Variants in ZDHHC15 observed in about 807,000 individuals in gnomAD.
ZDHHC15 encodes zDHHC palmitoyltransferase 15.
Under a neutral mutation model 31.7 loss-of-function variants are expected in ZDHHC15, and 19 were observed. That is an observed-to-expected ratio of 0.60 (90% CI 0.42 to 0.88). ZDHHC15 has a LOEUF of 0.88. Ranked by LOEUF, ZDHHC15 falls within the 40% of genes least tolerant of loss-of-function variation. ZDHHC15 has a pLI of 0.00. For missense variants in ZDHHC15, 209 were observed against 251.2 expected, an observed-to-expected ratio of 0.83 and a Z score of 1.14; for synonymous variants, 103 against 90.0, an observed-to-expected ratio of 1.14 and a Z score of -0.82.
chrX:75,493,447 C>T (rs1432879382), intron 2 of ZDHHC15, among the ~76,000 whole-genome samples: 1 of 111,735 alleles, frequency 8.9e-6, no homozygotes, highest in Non-Finnish European at 1.9e-5. Flanking sequence ...CCAGCATCAT[C>T]CTGATACCAA....
At position 75,429,132 on chromosome X, in the gene ZDHHC15, G is replaced by C. The variant is rs772382603; in HGVS notation, c.549C>G (p.Leu183=). ...FFLQFLAYSV[L]YCLYIATTVF... ...CTGTCGTAGCAATGTACAGGCAGTA[G>C]AGAACAGAGTAAGCTAAGAATTGAA... Residue 183 remains leucine (L), a synonymous_variant, in exon 7 of 12, where the codon CTC becomes CTG. Transcript: ENST00000373367. The C allele has an allele frequency of 8.3e-7, 1 of 1,208,213 alleles. No individual in the cohort carries two copies. The highest frequency in any genetic ancestry group is 1.1e-6 in the Non-Finnish European group (1 of 893,601).
chrX:75,496,082 A>G (rs1338748463), intron 2 of ZDHHC15, among the ~76,000 whole-genome samples: 3 of 110,972 alleles, frequency 2.7e-5, no homozygotes, highest in African/African-American at 9.8e-5. Flanking sequence ...AAAATCTACC[A>G]CTCAAGTATC....
chrX:75,445,175 C>G (rs955511967), intron 4 of ZDHHC15, among the ~76,000 whole-genome samples: 1 of 111,205 alleles, frequency 9.0e-6, no homozygotes, highest in Non-Finnish European at 1.9e-5. Context: ...ATTGTTCTTT[C>G]TCTATAGAGA....
chrX:75,489,215 T>A (rs914522367), intron 2 of ZDHHC15, among the ~76,000 whole-genome samples: 1 of 111,807 alleles, frequency 8.9e-6, no homozygotes, highest in Non-Finnish European at 1.9e-5. Flanking sequence ...GACTTAAATG[T>A]CCCTGTCTGA....
chrX:75,516,171 A>G (rs2148072199), intron 1 of ZDHHC15, among the ~76,000 whole-genome samples: 1 of 112,010 alleles, frequency 8.9e-6, no homozygotes, highest in Admixed American at 9.5e-5. Context: ...AAGGTAATTT[A>G]TAGATTCAAT....
At chrX:75,520,588 T>C (rs2085429116) in intron 1 of ZDHHC15, among the ~76,000 whole-genome samples, 1 of 111,462 alleles carries the variant, frequency 9.0e-6, no homozygotes, top group Non-Finnish European at 1.9e-5. Context: ...GTTTACAATA[T>C]GGCATTGATC....
chrX:75,491,919 A>T (rs904337927), intron 2 of ZDHHC15, among the ~76,000 whole-genome samples: 7 of 111,840 alleles, frequency 6.3e-5, no homozygotes, highest in African/African-American at 1.9e-4. Context: ...TCATAATGAC[A>T]GGATAAAATT....
chrX:75,499,071 G>A (rs1407863404), intron 2 of ZDHHC15, among the ~76,000 whole-genome samples: 1 of 111,366 alleles, frequency 9.0e-6, no homozygotes, highest in African/African-American at 3.3e-5. Context: ...TGGGATAGTT[G>A]GCAAGCCATA....
chrX:75,488,262 G>A (rs769109856), intron 2 of ZDHHC15, among the ~76,000 whole-genome samples: 2 of 111,849 alleles, frequency 1.8e-5, no homozygotes, highest in East Asian at 5.7e-4. Context: ...CTTAAGACCT[G>A]TGAGGCAGAA....
chrX:75,379,072 T>C (rs2083088557), intron 11 of ZDHHC15, 48 bp downstream of exon 11: 2 of 1,049,941 alleles, frequency 1.9e-6, no homozygotes, highest in Non-Finnish European at 2.6e-6. Flanking sequence ...CAAGCCGCCT[T>C]CTTAGCAGTC....
At chrX:75,439,887 T>G (rs1325562231) in intron 4 of ZDHHC15, among the ~76,000 whole-genome samples, 1 of 111,808 alleles carries the variant, frequency 8.9e-6, no homozygotes, top group Non-Finnish European at 1.9e-5. Flanking sequence ...TCCCCATTTT[T>G]CTAAGGATGG....
intron 4 of ZDHHC15, among the ~76,000 whole-genome samples, chrX:75,439,021 C>G (rs1356590876): frequency 9.0e-6 from 1 of 111,686 alleles, no homozygotes; most frequent in South Asian, 3.7e-4. Flanking sequence ...GCTGACAAAT[C>G]TGCTGTTAGT....
At chrX:75,463,253 G>A (rs182636290) in intron 3 of ZDHHC15, among the ~76,000 whole-genome samples, 18 of 111,153 alleles carry the variant, frequency 1.6e-4, no homozygotes, top group African/African-American at 5.5e-4. Context: ...TGAATTTGAG[G>A]CAGTAATAAA....
intron 3 of ZDHHC15, among the ~76,000 whole-genome samples, chrX:75,477,386 C>G (rs183013708): frequency 9.0e-6 from 1 of 111,613 alleles, no homozygotes; most frequent in East Asian, 2.8e-4. Flanking sequence ...TGGTGTTGTT[C>G]AAATCCTCCA....
intron 4 of ZDHHC15, among the ~76,000 whole-genome samples, chrX:75,445,898 G>C (rs2084027237): frequency 9.0e-6 from 1 of 111,281 alleles, no homozygotes; most frequent in African/African-American, 3.3e-5. Flanking sequence ...CTCCAATCCT[G>C]TCTGAAGGGA....
At chrX:75,499,303 T>C (rs1186116943) in intron 2 of ZDHHC15, among the ~76,000 whole-genome samples, 2 of 111,870 alleles carry the variant, frequency 1.8e-5, no homozygotes, top group African/African-American at 3.2e-5. Context: ...AAAAAGCTTC[T>C]GCACAGCAAA....
Position 75,380,236 on chromosome X carries a change from G to A in ZDHHC15, c.968-1038C>T, listed in dbSNP as rs148456458. 4.7e-3 allele frequency among the ~76,000 whole-genome samples: 532 copies of A among 112,050 alleles called. 3 individuals carry two copies. The highest frequency in any genetic ancestry group is 6.9e-3 in the Non-Finnish European group (365 of 53,182). The stretch of plus-strand genomic sequence containing the variant: ...AGTGCTTAAGCATATATCTCATCTT[G>A]CCTACCCAACATTTCTACTAAGAAG... On this transcript the variant is annotated intron_variant, in intron 10 of 11. Transcript: ENST00000373367.
At chrX:75,461,096 C>T (rs1045473916) in intron 3 of ZDHHC15, among the ~76,000 whole-genome samples, 3 of 111,789 alleles carry the variant, frequency 2.7e-5, no homozygotes, top group African/African-American at 9.8e-5. Flanking sequence ...AGGAATATAA[C>T]CGACATGACG....
chrX:75,437,736 A>G (rs1227954879), intron 4 of ZDHHC15, among the ~76,000 whole-genome samples: 12 of 108,691 alleles, frequency 1.1e-4, no homozygotes, highest in African/African-American at 1.7e-4. Flanking sequence ...GAATAATGCC[A>G]CAATAAACAT....
Sources: gnomAD v4.1 joint callset for allele counts (sites outside exome capture counted in the v4.1 genomes callset) on GRCh38, gnomAD v4.1.1 for gene constraint, MANE v1.5 for transcripts, NCBI Gene and HGNC (gene_info 2026-07-23, HGNC 2026-07-21) for gene names.